Variants in PAG1 observed in about 807,000 individuals in gnomAD.
The protein encoded by PAG1 is phosphoprotein membrane anchor with glycosphingolipid microdomains 1.
Under a neutral mutation model 31.7 loss-of-function variants are expected in PAG1, and 23 were observed. The ratio of observed to expected loss-of-function variants is 0.73; its 90% confidence interval spans 0.52 to 1.03. The LOEUF is 1.03. Ranked by LOEUF, PAG1 falls within the 50% of genes least tolerant of loss-of-function variation. The pLI, the probability that PAG1 is intolerant of heterozygous loss-of-function variation, is 0.00. For missense variants in PAG1, 473 were observed against 540.7 expected, an observed-to-expected ratio of 0.87 and a Z score of 1.24; for synonymous variants, 214 against 210.3, an observed-to-expected ratio of 1.02 and a Z score of -0.15.
chr8:81,071,588 G>A (rs536872272), intron 1 of PAG1, among the ~76,000 whole-genome samples: 1 of 152,288 alleles, frequency 6.6e-6, no homozygotes, highest in Admixed American at 6.5e-5. Flanking sequence ...TTGTTCAAAA[G>A]TGGAGAAACA....
intron 1 of PAG1, 113 bp from the exon 2 acceptor site, chr8:81,070,283 C>G (rs948227147): frequency 6.6e-6 from 1 of 152,150 alleles, no homozygotes; most frequent in Non-Finnish European, 1.5e-5. Context: ...ATTTGGCCAA[C>G]AGTAAGCAAC....
intron 3 of PAG1, among the ~76,000 whole-genome samples, chr8:81,019,012 C>T (rs1488681807): frequency 2.2e-4 from 33 of 152,110 alleles, no homozygotes; most frequent in Admixed American, 2.1e-3. Context: ...ACAATAAAGT[C>T]CCTGCTAAAG....
chr8:80,980,596 T>C (rs1807279765), intron 7 of PAG1, 102 bp from the exon 8 acceptor site: 1 of 737,434 alleles, frequency 1.4e-6, no homozygotes. Flanking sequence ...CGTTTTCAAA[T>C]GATTTTTATG....
intron 3 of PAG1, among the ~76,000 whole-genome samples, chr8:81,013,167 T>C (rs1808013527): frequency 6.6e-6 from 1 of 152,358 alleles, no homozygotes; most frequent in African/African-American, 2.4e-5. Context: ...CCCCAGGATA[T>C]TGGCTCCTCT....
At chr8:81,027,012 T>A (rs1473162702) in intron 3 of PAG1, among the ~76,000 whole-genome samples, 1 of 152,166 alleles carries the variant, frequency 6.6e-6, no homozygotes, top group Non-Finnish European at 1.5e-5. Context: ...TAAATATATT[T>A]CTATACTTTT....
chr8:81,088,209 C>T (rs1181731550), intron 1 of PAG1, among the ~76,000 whole-genome samples: 1 of 152,160 alleles, frequency 6.6e-6, no homozygotes, highest in African/African-American at 2.4e-5. Context: ...ATGTACTAGA[C>T]ACAAGTGGAA....
At chr8:81,098,429 A>G (rs1410055344) in intron 1 of PAG1, among the ~76,000 whole-genome samples, 1 of 152,148 alleles carries the variant, frequency 6.6e-6, no homozygotes, top group Non-Finnish European at 1.5e-5. Flanking sequence ...TTCCTTAAAG[A>G]AAATTTACTC....
At chr8:80,995,456 A>G (rs1015078613) in intron 3 of PAG1, among the ~76,000 whole-genome samples, 1 of 152,274 alleles carries the variant, frequency 6.6e-6, no homozygotes, top group Non-Finnish European at 1.5e-5. Context: ...GATGCAAAGA[A>G]TAATTCACTT....
At chr8:81,110,087 C>T (rs1349991983) in intron 1 of PAG1, among the ~76,000 whole-genome samples, 2 of 152,128 alleles carry the variant, frequency 1.3e-5, no homozygotes, top group Non-Finnish European at 2.9e-5. Context: ...AATAAGGTGC[C>T]TATAACTAGT....
rs1807141856 is a variant in PAG1, at chr8:80,974,356, A to G, written c.*2188T>C. The G allele has an allele frequency of 6.6e-6, 1 of 152,218 alleles. No homozygotes were observed. The highest frequency in any genetic ancestry group is 1.5e-5 in the Non-Finnish European group (1 of 68,046). 9.4% of individuals were successfully genotyped at this position (152,218 alleles called of 1,614,324 possible). Reference sequence around the variant, plus strand: ...CCCCATCATGTGAGAGATCGCTCAAAGTCATTAACACAAAGCAGTGAAAAT... The same window carrying G: ...CCCCATCATGTGAGAGATCGCTCAAGGTCATTAACACAAAGCAGTGAAAAT... On this transcript the variant is annotated 3_prime_UTR_variant, in exon 9 of 9. Transcript: ENST00000220597.
At chr8:81,069,864 G>C (rs1809066024) in intron 2 of PAG1, among the ~76,000 whole-genome samples, 1 of 152,180 alleles carries the variant, frequency 6.6e-6, no homozygotes, top group South Asian at 2.1e-4. Flanking sequence ...CAATCAAAGG[G>C]AAACACCATG....
At chr8:81,057,851 T>G (rs80322449) in intron 2 of PAG1, among the ~76,000 whole-genome samples, 6,548 of 152,302 alleles carry the variant, frequency 0.043, 415 homozygotes, top group African/African-American at 0.13. Flanking sequence ...TTTTTCAAGT[T>G]AATGACTTTT....
In PAG1 at chr8:80,985,261, G is replaced by A. The variant is rs1279199286; in HGVS notation, c.391C>T (p.Arg131Trp). 5.0e-6 allele frequency: 8 copies of A among 1,613,984 alleles called. No homozygotes were observed. Among genetic ancestry groups the A allele is most frequent in the African/African-American group, 4.0e-5 (3 of 74,890 alleles). Residue 131 changes from arginine (R) to tryptophan (W), a missense_variant, in exon 7 of 9, where the codon CGG becomes TGG. By Grantham distance (101) the Arg-to-Trp change is moderately radical (BLOSUM62 -3). Coordinates refer to ENST00000220597, the MANE Select transcript of PAG1 (RefSeq NM_018440.4). ...STGKPKCHQS[R>W]ELPRIPPESA... is the part of the protein sequence containing the mutation. ...TCGGGAGGGATTCTGGGCAGCTCCCGACTCTGATGACATTTTGGTTTCCCT... is the reference window on the plus strand; with the variant it reads ...TCGGGAGGGATTCTGGGCAGCTCCCAACTCTGATGACATTTTGGTTTCCCT...
At chr8:81,065,449 T>C (rs1329440116) in intron 2 of PAG1, among the ~76,000 whole-genome samples, 1 of 152,028 alleles carries the variant, frequency 6.6e-6, no homozygotes. Context: ...CTGTTTAAAT[T>C]AGGGGAAAAA....
chr8:81,080,936 G>A (rs1468623033), intron 1 of PAG1, among the ~76,000 whole-genome samples: 1 of 152,064 alleles, frequency 6.6e-6, no homozygotes, highest in African/African-American at 2.4e-5. Context: ...GTGTCCTGCT[G>A]CGGAAAGATA....
rs186236157 is a variant in PAG1, at chr8:81,019,485, G to A, written c.-81+10511C>T. On this transcript the variant is annotated intron_variant, in intron 3 of 8. Transcript: ENST00000220597. The stretch of plus-strand genomic sequence containing the variant: ...GGACATGGCGCCCTGCATCCCAGCC[G>A]CTTCAGTTCCAGCCATGGCTAAAAG... Among the ~76,000 whole-genome samples, 257 of 152,318 alleles carry A rather than the reference G, an allele frequency of 1.7e-3. 1 individual carries two copies. Among genetic ancestry groups the A allele is most frequent in the African/African-American group, 5.6e-3 (233 of 41,582 alleles).
chr8:81,047,205 T>C (rs1410259891), intron 2 of PAG1, among the ~76,000 whole-genome samples: 1 of 152,258 alleles, frequency 6.6e-6, no homozygotes, highest in Non-Finnish European at 1.5e-5. Context: ...TTTGGGTATA[T>C]ACCCAGTAAT....
chr8:81,021,421 C>T (rs1363904263), intron 3 of PAG1, among the ~76,000 whole-genome samples: 11 of 148,946 alleles, frequency 7.4e-5, no homozygotes, highest in Non-Finnish European at 1.5e-5. Flanking sequence ...AGTTTGCACC[C>T]TATGTCCTTT....
intron 3 of PAG1, among the ~76,000 whole-genome samples, chr8:80,999,491 C>CTG (rs1807746216): frequency 6.6e-6 from 1 of 152,150 alleles, no homozygotes; most frequent in Non-Finnish European, 1.5e-5. Context: ...TGAAAGAAAC[C>CTG]TGGAATGCCT....
Sources: allele counts gnomAD v4.1 joint callset (sites outside exome capture counted in the v4.1 genomes callset), GRCh38; gene constraint gnomAD v4.1.1; transcripts MANE v1.5; gene names NCBI Gene and HGNC (gene_info 2026-07-23, HGNC 2026-07-21).